The following GALNT18 variants were observed in gnomAD, a reference collection of about 807,000 sequenced individuals.
GALNT18 encodes the protein polypeptide N-acetylgalactosaminyltransferase 18.
A neutral mutation model predicts 69.5 loss-of-function variants in GALNT18; 44 were observed. That is an observed-to-expected ratio of 0.63 (90% confidence interval 0.50 to 0.81). The LOEUF is 0.81. Ranked by LOEUF, GALNT18 falls within the 40% of genes least tolerant of loss-of-function variation. GALNT18 has a pLI of 0.00. For synonymous variants in GALNT18, 364 were observed against 318.2 expected, an observed-to-expected ratio of 1.14 and a Z score of -1.53; for missense variants, 715 against 810.0, an observed-to-expected ratio of 0.88 and a Z score of 1.42.
chr11:11,389,260 T>A lies in GALNT18; in HGVS notation c.596-9996A>T, dbSNP rs1387989552. Among the ~76,000 whole-genome samples the A allele has an allele frequency of 6.6e-6, 1 of 152,204 alleles. No individual in the cohort carries two copies. Among genetic ancestry groups the A allele is most frequent in the Non-Finnish European group, 1.5e-5 (1 of 68,042 alleles). On this transcript the variant is annotated intron_variant, in intron 3 of 10. Coordinates refer to ENST00000227756, the MANE Select transcript of GALNT18 (RefSeq NM_198516.3). The surrounding 1 kb of genome is among the most constrained non-coding windows in gnomAD (Gnocchi z 4.3). ...TCTTTTCCAGTCTGTCCAGCAGCCT[T>A]CCGAAGGAGTCAGCTTTGTAGGCTC...
At chr11:11,593,151 G>T (rs1859399994) in intron 1 of GALNT18, among the ~76,000 whole-genome samples, 1 of 152,136 alleles carries the variant, frequency 6.6e-6, no homozygotes, top group South Asian at 2.1e-4. Context: ...CTGACCTCGT[G>T]ATCCGCCCGC....
rs1451221571 is a variant in GALNT18 at position 11,590,484 on chromosome 11, A to C, written c.235+30875T>G. Among the ~76,000 whole-genome samples, 1 of 152,220 alleles carries C rather than the reference A, an allele frequency of 6.6e-6. No homozygotes were observed. The highest frequency in any genetic ancestry group is 1.5e-5 in the Non-Finnish European group (1 of 68,040). Reference sequence around the variant, plus strand: ...AAAATTAACTTTCCTTACTCTACCTATATTAGGCACCAACCAATCAGAAGG... The same window carrying C: ...AAAATTAACTTTCCTTACTCTACCTCTATTAGGCACCAACCAATCAGAAGG... On this transcript the variant is annotated intron_variant, in intron 1 of 10. Coordinates refer to ENST00000227756, the MANE Select transcript of GALNT18 (RefSeq NM_198516.3). This position sits in a 1 kb window ranked among gnomAD's most constrained non-coding sequence, Gnocchi z 4.4.
chr11:11,294,649 T>C (rs907192711), intron 9 of GALNT18, among the ~76,000 whole-genome samples: 4 of 151,974 alleles, frequency 2.6e-5, no homozygotes, highest in Middle Eastern at 3.4e-3. Context: ...CTGTGTTTCA[T>C]TAACACATCA....
chr11:11,564,041 C>T lies in GALNT18; in HGVS notation c.235+57318G>A, dbSNP rs1481800843. Reference sequence around the variant, plus strand: ...CTAGATGCTGATTACTAGTGAGGCACCATGCTAAATGAATGTCAGCTTGTT... The same window carrying T: ...CTAGATGCTGATTACTAGTGAGGCATCATGCTAAATGAATGTCAGCTTGTT... On this transcript the variant is annotated intron_variant, in intron 1 of 10. Transcript: ENST00000227756. The surrounding 1 kb of genome is among the most constrained non-coding windows in gnomAD (Gnocchi z 4.3). Among the ~76,000 whole-genome samples the T allele has an allele frequency of 6.6e-6, 1 of 151,928 alleles. No individual in the cohort carries two copies. The highest frequency in any genetic ancestry group is 1.5e-5 in the Non-Finnish European group (1 of 68,022).
intron 1 of GALNT18, among the ~76,000 whole-genome samples, chr11:11,535,951 G>A (rs1264761394): frequency 1.3e-5 from 2 of 152,168 alleles, no homozygotes; most frequent in African/African-American, 4.8e-5. Context: ...GAAATCACAA[G>A]AGGGCCTTTC....
chr11:11,292,958 C>T, intron 10 of GALNT18, 71 bp downstream of exon 10: 5 of 1,302,880 alleles, frequency 3.8e-6, no homozygotes, highest in Non-Finnish European at 5.0e-6. Context: ...CCACCACCTC[C>T]CTGGCCCCTG....
At chr11:11,363,558 A>G (rs1850689715) in intron 6 of GALNT18, among the ~76,000 whole-genome samples, 1 of 152,220 alleles carries the variant, frequency 6.6e-6, no homozygotes, top group Admixed American at 6.5e-5. Context: ...AGAACCAGAA[A>G]TTTTGTCATG....
rs903521622 is a variant in GALNT18 at position 11,421,305 on chromosome 11, G to A, written c.595+11316C>T. Among the ~76,000 whole-genome samples the A allele has an allele frequency of 1.3e-5, 2 of 152,100 alleles. No individual in the cohort carries two copies. The highest frequency in any genetic ancestry group is 4.8e-5 in the African/African-American group (2 of 41,416). On this transcript the variant is annotated intron_variant, in intron 3 of 10. Transcript: ENST00000227756. The surrounding 1 kb of genome is among the most constrained non-coding windows in gnomAD (Gnocchi z 5.6). ...AGAAATGGATTGAGCCCTGGGGCTGGTCCACAAAGAGGCGGGTGACTCAAG... is the reference window on the plus strand; with the variant it reads ...AGAAATGGATTGAGCCCTGGGGCTGATCCACAAAGAGGCGGGTGACTCAAG...
At chr11:11,490,681 A>G (rs7116474) in intron 1 of GALNT18, among the ~76,000 whole-genome samples, 148,098 of 152,212 alleles carry the variant, frequency 0.97, 72,160 homozygotes, top group East Asian at 1. Context: ...TCTTCCATGG[A>G]ACCATCTCTG....
In GALNT18 at chr11:11,616,103, T is replaced by C. The variant is rs1860040768; in HGVS notation, c.235+5256A>G. Among the ~76,000 whole-genome samples, 3 of 152,166 alleles carry C rather than the reference T, an allele frequency of 2.0e-5. No individual in the cohort carries two copies. Among genetic ancestry groups the C allele is most frequent in the South Asian group, 2.1e-4 (1 of 4,826 alleles). Reference sequence around the variant, plus strand: ...CTCCCACCTTGGCCTCCTAAAGTGCTGGGATTATAGGTATAAGCCACCACG... The same window carrying C: ...CTCCCACCTTGGCCTCCTAAAGTGCCGGGATTATAGGTATAAGCCACCACG... On this transcript the variant is annotated intron_variant, in intron 1 of 10. Transcript: ENST00000227756. The surrounding 1 kb of genome is among the most constrained non-coding windows in gnomAD (Gnocchi z 4.4).
intron 1 of GALNT18, among the ~76,000 whole-genome samples, chr11:11,568,012 T>G (rs747637822): frequency 6.6e-6 from 1 of 152,216 alleles, no homozygotes; most frequent in Non-Finnish European, 1.5e-5. Flanking sequence ...TGCCAGGCAT[T>G]GCCACGTGAC....
rs1000147929 is a variant in GALNT18, at chr11:11,304,736, G to A, written c.1513-11543C>T. Among the ~76,000 whole-genome samples, 33 of 152,272 alleles carry A rather than the reference G, an allele frequency of 2.2e-4. No homozygotes were observed. The Middle Eastern group carries it at 0.014, about 63-fold the overall frequency. Reference sequence around the variant, plus strand: ...TCACCAGATCATTAATGCCAGACATGGCCACGTTTCTAGCTGGAACGTGAG... The same window carrying A: ...TCACCAGATCATTAATGCCAGACATAGCCACGTTTCTAGCTGGAACGTGAG... On this transcript the variant is annotated intron_variant, in intron 9 of 10. Coordinates refer to ENST00000227756, the MANE Select transcript of GALNT18 (RefSeq NM_198516.3).
In GALNT18 at chr11:11,387,461, T is replaced by TC. The variant is rs1854084225; in HGVS notation, c.596-8198dup. ...AACACCCCACCCACACCCCCACTAA[T>TC]CCACCTCCCACTGACAAGTGCAATT... On this transcript the variant is annotated intron_variant, in intron 3 of 10. Transcript: ENST00000227756. The surrounding 1 kb of genome is among the most constrained non-coding windows in gnomAD (Gnocchi z 4.6). Among the ~76,000 whole-genome samples the TC allele has an allele frequency of 1.3e-5, 2 of 152,108 alleles. No individual in the cohort carries two copies. The highest frequency in any genetic ancestry group is 4.8e-5 in the African/African-American group (2 of 41,410).
rs1858052040 is a variant in GALNT18, at chr11:11,546,298, C to G, written c.235+75061G>C. On this transcript the variant is annotated intron_variant, in intron 1 of 10. Coordinates refer to ENST00000227756, the MANE Select transcript of GALNT18 (RefSeq NM_198516.3). This position sits in a 1 kb window ranked among gnomAD's most constrained non-coding sequence, Gnocchi z 5.8. ...ACACCCCTGTCAACCCAGCCAGGAC[C>G]TGAGGCCATCGGGACTCCCTGTCTT... 1.3e-5 allele frequency among the ~76,000 whole-genome samples: 2 copies of G among 152,178 alleles called. No homozygotes were observed. Among genetic ancestry groups the G allele is most frequent in the Non-Finnish European group, 2.9e-5 (2 of 68,040 alleles).
In GALNT18 at chr11:11,463,698, C is replaced by A. The variant is rs1254188077; in HGVS notation, c.236-14762G>T. ...CTGAACAAACAGGCCCTCCCAACCCCAGGCCCTGGCAGGATAGGGAAAGGC... is the reference window on the plus strand; with the variant it reads ...CTGAACAAACAGGCCCTCCCAACCCAAGGCCCTGGCAGGATAGGGAAAGGC... On this transcript the variant is annotated intron_variant, in intron 1 of 10. Transcript: ENST00000227756. The surrounding 1 kb of genome is among the most constrained non-coding windows in gnomAD (Gnocchi z 4.2). 2.0e-5 allele frequency among the ~76,000 whole-genome samples: 3 copies of A among 152,214 alleles called. No individual in the cohort carries two copies. The highest frequency in any genetic ancestry group is 4.4e-5 in the Non-Finnish European group (3 of 68,030).
intron 1 of GALNT18, among the ~76,000 whole-genome samples, chr11:11,522,623 T>A (rs1857425748): frequency 6.6e-6 from 1 of 152,102 alleles, no homozygotes; most frequent in South Asian, 2.1e-4. Flanking sequence ...GCAGAAGAGC[T>A]CAAAGCCTGC....
intron 8 of GALNT18, among the ~76,000 whole-genome samples, chr11:11,330,950 T>C (rs1020185348): frequency 5.9e-5 from 9 of 152,214 alleles, no homozygotes; most frequent in African/African-American, 1.9e-4. Flanking sequence ...AAGCTTGCCC[T>C]GGCTCACAGA....
chr11:11,497,370 A>ACACACACACACCCC lies in GALNT18; in HGVS notation c.236-48435_236-48434insGGGGTGTGTGTGTG, dbSNP rs1388394076. Among the ~76,000 whole-genome samples the ACACACACACACCCC allele has an allele frequency of 1.5e-5, 2 of 134,716 alleles. No homozygotes were observed. The highest frequency in any genetic ancestry group is 3.1e-5 in the Non-Finnish European group (2 of 63,844). 88.4% of individuals were successfully genotyped at this position (134,716 alleles called of 152,430 possible). On this transcript the variant is annotated intron_variant, in intron 1 of 10. Transcript: ENST00000227756. The surrounding 1 kb of genome is among the most constrained non-coding windows in gnomAD (Gnocchi z 4.2). ...CACACACACACACACACACACACAC[A>ACACACACACACCCC]CCCCTTAGAATGGGGCTCCTTAAGA... is the stretch of plus-strand genomic sequence containing the variant.
rs956016013 is a variant in GALNT18, at chr11:11,436,299, T to C, written c.429-3512A>G. Among the ~76,000 whole-genome samples the C allele has an allele frequency of 1.5e-4, 23 of 152,172 alleles. No individual in the cohort carries two copies. The highest frequency in any genetic ancestry group is 1.9e-4 in the African/African-American group (8 of 41,442). Reference sequence around the variant, plus strand: ...ACTCAGATGGCTTCTCTCCACAAGATTGAGGCTCTTCTATCTTACGTTTTC... The same window carrying C: ...ACTCAGATGGCTTCTCTCCACAAGACTGAGGCTCTTCTATCTTACGTTTTC... On this transcript the variant is annotated intron_variant, in intron 2 of 10. Coordinates refer to ENST00000227756, the MANE Select transcript of GALNT18 (RefSeq NM_198516.3). The surrounding 1 kb of genome is among the most constrained non-coding windows in gnomAD (Gnocchi z 4.5).
Sources: gnomAD v4.1 joint callset for allele counts (sites outside exome capture counted in the v4.1 genomes callset) on GRCh38, gnomAD v4.1.1 for gene constraint, Gnocchi (gnomAD v3.1) non-coding constraint, MANE v1.5 for transcripts, NCBI Gene and HGNC (gene_info 2026-07-23, HGNC 2026-07-21) for gene names.